PCID2: variants seen among roughly 807,000 people sequenced by gnomAD.
The protein encoded by PCID2 is PCI domain containing 2, also known as PCI domain-containing protein 2.
A neutral mutation model predicts 61.3 loss-of-function variants in PCID2; 41 were observed. The ratio of observed to expected loss-of-function variants is 0.67; its 90% CI spans 0.52 to 0.87. PCID2 has a LOEUF of 0.87. PCID2 is among the 40% of genes least tolerant of loss of function. The pLI is 0.00. For missense variants in PCID2, 392 were observed against 493.4 expected, an observed-to-expected ratio of 0.79 and a Z score of 1.95; for synonymous variants, 187 against 177.8, an observed-to-expected ratio of 1.05 and a Z score of -0.41.
intron 1 of PCID2, among the ~76,000 whole-genome samples, chr13:113,202,027 C>G (rs527599082): frequency 7.5e-4 from 114 of 152,292 alleles, no homozygotes; most frequent in Admixed American, 1.4e-3. Flanking sequence ...AGAGTACTTA[C>G]AACTAGGAAG....
intron 1 of PCID2, among the ~76,000 whole-genome samples, chr13:113,202,169 A>C (rs1183788705): frequency 6.6e-6 from 1 of 152,212 alleles, no homozygotes; most frequent in Non-Finnish European, 1.5e-5. Flanking sequence ...CTACTCTCTG[A>C]CCCAGTAATC....
At chr13:113,171,991 C>T in the PCID2 span, 3 of 1,613,200 alleles carry the variant, frequency 1.9e-6, no homozygotes, top group African/African-American at 4.0e-5. This position sits in a 1 kb window ranked among gnomAD's most constrained non-coding sequence, Gnocchi z 5.1. Context: ...AACACAGAGG[C>T]TCCTGGTTTC....
chr13:113,195,028 A>G, intron 6 of PCID2, 43 bp downstream of exon 6: 3 of 1,344,850 alleles, frequency 2.2e-6, no homozygotes, highest in East Asian at 2.3e-5. Flanking sequence ...GATAGTCACC[A>G]AGTTTTAGTT....
At chr13:113,185,293 A>T (rs1255125728) in intron 8 of PCID2, among the ~76,000 whole-genome samples, 192 bp downstream of exon 8, 4 of 152,246 alleles carry the variant, frequency 2.6e-5, no homozygotes, top group African/African-American at 9.6e-5. Flanking sequence ...ACAGGAAGAC[A>T]TTTGTAAAGC....
At chr13:113,171,723 C>T in the PCID2 span, 1 of 1,612,804 alleles carries the variant, frequency 6.2e-7, no homozygotes, top group South Asian at 1.1e-5. This position sits in a 1 kb window ranked among gnomAD's most constrained non-coding sequence, Gnocchi z 5.1. Flanking sequence ...ATCCAGTGCC[C>T]AGGTGCGGGG....
chr13:113,204,495 C>A (rs1315137447), intron 1 of PCID2, among the ~76,000 whole-genome samples: 1 of 152,214 alleles, frequency 6.6e-6, no homozygotes, highest in East Asian at 1.9e-4. Context: ...CCTCCTTTGC[C>A]TGTGACCTCC....
chr13:113,190,966 G>T lies in PCID2; in HGVS notation c.373C>A (p.Gln125Lys). 1 of 1,608,264 alleles carries T rather than the reference G, an allele frequency of 6.2e-7. No homozygotes were observed. Among genetic ancestry groups the T allele is most frequent in the Non-Finnish European group, 8.5e-7 (1 of 1,175,016 alleles). Residue 125 changes from glutamine to lysine, a missense_variant, in exon 7 of 14, where the codon CAG becomes AAG. Gln to Lys is a moderately conservative substitution (Grantham distance 53, BLOSUM62 1). This residue lies in a region of PCID2 where 155 missense variants were observed against 164.9 expected (regional missense o/e 0.94). Transcript: ENST00000337344. ...LRVFANNADQQLVKKGKSKVG... is the reference protein window; with the variant it reads ...LRVFANNADQKLVKKGKSKVG... ...TTGCTTTTTCCTTTCTTTACCAACT[G>T]TTGATCTGCCTAATAAAATATAAGA...
chr13:113,206,584 T>C (rs761214751), intron 1 of PCID2, among the ~76,000 whole-genome samples: 1 of 152,252 alleles, frequency 6.6e-6, no homozygotes, highest in Non-Finnish European at 1.5e-5. Context: ...ACAGTGACAT[T>C]GGCACTTATG....
intron 5 of PCID2, among the ~76,000 whole-genome samples, chr13:113,195,958 T>C (rs1004404796): frequency 3.9e-5 from 6 of 152,178 alleles, no homozygotes; most frequent in Non-Finnish European, 8.8e-5. Context: ...AAAATAATAC[T>C]ATATTGACAT....
Position 113,192,094 on chromosome 13 carries a change from T to C in PCID2, c.364-1119A>G, listed in dbSNP as rs905275919. On this transcript the variant is annotated intron_variant, in intron 6 of 13. Transcript: ENST00000337344. ...GCAATATGGCAAGACTCTGTCTTAATTAAAAAATTTTAAATTAGCCCGGTA... is the reference window on the plus strand; with the variant it reads ...GCAATATGGCAAGACTCTGTCTTAACTAAAAAATTTTAAATTAGCCCGGTA... Among the ~76,000 whole-genome samples the C allele has an allele frequency of 5.3e-5, 8 of 152,220 alleles. No homozygotes were observed. In the Middle Eastern group the frequency reaches 0.01, roughly 194 times the overall value.
chr13:113,172,467 GGTGA>G, the PCID2 span: 3 of 348,336 alleles, frequency 8.6e-6, no homozygotes, highest in Non-Finnish European at 1.7e-5. Context: ...CCTGCACACT[GGTGA>G]GTGTGTTCTG....
rs2037920114 is a variant in PCID2, at chr13:113,184,461, G to A, written c.570C>T (p.Pro190=). The A allele has an allele frequency of 6.3e-7, 1 of 1,587,636 alleles. No homozygotes were observed. Among genetic ancestry groups the A allele is most frequent in the Non-Finnish European group, 8.7e-7 (1 of 1,155,870 alleles). ...TTGAGCTGTCAATTGCTCTAATTAG[G>A]GGTTTACATAAATGGAGTTTGTTGA... ...FKINKLHLCK[P]LIRAIDSSNL... Residue 190 remains proline, a synonymous_variant, in exon 9 of 14, where the codon CCC becomes CCT. Coordinates refer to ENST00000337344, the MANE Select transcript of PCID2 (RefSeq NM_001127202.4).
the PCID2 span, chr13:113,171,524 A>C: frequency 8.3e-4 from 1,332 of 1,602,210 alleles, 2 homozygotes; most frequent in Non-Finnish European, 8.3e-4. The surrounding 1 kb of genome is among the most constrained non-coding windows in gnomAD (Gnocchi z 5.1). Context: ...GCTCCCTGAG[A>C]AGCTCGTTTG....
At chr13:113,181,079 C>A in intron 10 of PCID2, 51 bp downstream of exon 10, 1 of 1,249,552 alleles carries the variant, frequency 8.0e-7, no homozygotes. Context: ...TATCAGCTGT[C>A]AACTTTGTGA....
intron 6 of PCID2, among the ~76,000 whole-genome samples, chr13:113,192,215 T>C (rs1595213111): frequency 2.0e-5 from 3 of 152,210 alleles, no homozygotes; most frequent in South Asian, 2.1e-4. Context: ...GACTGCACCA[T>C]TGCACTTCAG....
chr13:113,178,942 A>C (rs1443307679), intron 13 of PCID2, 24 bp downstream of exon 13: 1 of 1,602,614 alleles, frequency 6.2e-7, no homozygotes, highest in African/African-American at 1.3e-5. Flanking sequence ...GTAGCTGCTT[A>C]AATTAAAACC....
At chr13:113,203,894 A>T (rs1448989130) in intron 1 of PCID2, among the ~76,000 whole-genome samples, 4 of 152,266 alleles carry the variant, frequency 2.6e-5, no homozygotes, top group African/African-American at 7.2e-5. Flanking sequence ...GAAAACCAGT[A>T]TTAGTCAGTT....
chr13:113,167,163 A>C, the PCID2 span, among the ~76,000 whole-genome samples: 32,593 of 152,188 alleles, frequency 0.21, 4,191 homozygotes, highest in East Asian at 0.55. Context: ...CTTACATCCT[A>C]GGGAAGAAGT....
chr13:113,180,214 C>T lies in PCID2; in HGVS notation c.804G>A (p.Val268=). Residue 268 remains valine (V), a synonymous_variant, in exon 11 of 14, where the codon GTG becomes GTA. Transcript: ENST00000337344. The stretch of plus-strand genomic sequence containing the variant: ...TCAGGTGATACTTTTTCAGGAGCTC[C>T]ACAGTGGGCATGTGACCCTAAGAGT... ...VKMLLGHMPT[V]ELLKKYHLMQ... 1.2e-6 allele frequency: 2 copies of T among 1,613,414 alleles called. No individual in the cohort carries two copies. The highest frequency in any genetic ancestry group is 1.7e-6 in the Non-Finnish European group (2 of 1,179,366).
Sources: allele counts gnomAD v4.1 joint callset (sites outside exome capture counted in the v4.1 genomes callset), GRCh38; gene constraint gnomAD v4.1.1; regional missense constraint gnomAD v4.1.1; non-coding constraint Gnocchi (gnomAD v3.1); transcripts MANE v1.5; gene names NCBI Gene and HGNC (gene_info 2026-07-23, HGNC 2026-07-21).